The following LRGUK variants were observed in gnomAD, a reference collection of about 807,000 sequenced individuals.
LRGUK encodes the protein leucine rich repeats and guanylate kinase domain containing, also known as leucine-rich repeat and guanylate kinase domain-containing protein.
LRGUK carries 65 observed loss-of-function variants against 76.0 expected under a neutral mutation model. The observed-to-expected ratio is 0.85, with a 90% confidence interval of 0.70 to 1.05. The LOEUF (loss-of-function observed/expected upper bound fraction) is 1.05, where lower values mean the gene tolerates loss of function less well. Among genes scored for constraint, LRGUK ranks in the 50% least tolerant of loss-of-function variants. The probability of loss-of-function intolerance (pLI) is 0.00; values close to 1 mark genes in which losing one functional copy is unlikely to be tolerated. For synonymous variants in LRGUK, 268 were observed against 265.6 expected (o/e 1.01, Z -0.09); for missense variants, 758 against 732.8 (o/e 1.03, Z -0.40).
chr7:134,207,074 A>G (rs1480704598), intron 15 of LRGUK, among the ~76,000 whole-genome samples: 1 of 152,196 alleles, frequency 6.6e-6, no homozygotes, highest in African/African-American at 2.4e-5. Flanking sequence ...ACCAAGAGAG[A>G]TTAAGGAGCA....
intron 8 of LRGUK, among the ~76,000 whole-genome samples, chr7:134,175,940 T>C (rs28539301): frequency 8.5e-5 from 13 of 152,128 alleles, no homozygotes; most frequent in African/African-American, 3.1e-4. Flanking sequence ...ATATAAATAA[T>C]AACAAAATAA....
At chr7:134,132,432 C>T (rs996040008) in intron 1 of LRGUK, among the ~76,000 whole-genome samples, 4 of 152,122 alleles carry the variant, frequency 2.6e-5, no homozygotes, top group Middle Eastern at 6.8e-3. Context: ...AAAAAGTGCT[C>T]ATTCATTTTG....
downstream of LRGUK, among the ~76,000 whole-genome samples, chr7:134,267,035 A>G (rs925759792): frequency 6.6e-6 from 1 of 152,326 alleles, no homozygotes; most frequent in East Asian, 1.9e-4. Context: ...TTCAGTGGAA[A>G]TGTCCTTCAG....
At chr7:134,242,701 T>C (rs367637682) in intron 16 of LRGUK, among the ~76,000 whole-genome samples, 54 of 152,338 alleles carry the variant, frequency 3.5e-4, no homozygotes, top group East Asian at 2.5e-3. Context: ...TAATTCATTT[T>C]ATGAAGCCAA....
At chr7:134,188,654 A>G (rs1800074439) in intron 11 of LRGUK, among the ~76,000 whole-genome samples, 1 of 152,168 alleles carries the variant, frequency 6.6e-6, no homozygotes, top group Non-Finnish European at 1.5e-5. Flanking sequence ...CCAGCAAGCT[A>G]TTGACATATA....
Position 134,196,783 on chromosome 7 carries a change from A to AT in LRGUK, c.1432-199dup, listed in dbSNP as rs368507562. On this transcript the variant is annotated intron_variant, in intron 12 of 15. Coordinates refer to ENST00000645682, the Ensembl canonical transcript of LRGUK. ...GTCAGCAAATTATTTCTAAAAACCT[A>AT]TTTTTTTTTTGTCAGCTGAGAATTC... is the stretch of plus-strand genomic sequence containing the variant. Among the ~76,000 whole-genome samples the AT allele has an allele frequency of 3.4e-4, 51 of 148,578 alleles. 1 individual carries two copies. The highest frequency in any genetic ancestry group is 8.4e-4 in the African/African-American group (34 of 40,562).
chr7:134,135,801 G>T (rs183866331), intron 1 of LRGUK, among the ~76,000 whole-genome samples: 1 of 152,234 alleles, frequency 6.6e-6, no homozygotes, highest in African/African-American at 2.4e-5. Context: ...GACTCCAGGC[G>T]CCCGCCACCA....
intron 5 of LRGUK, among the ~76,000 whole-genome samples, chr7:134,152,242 C>T (rs527288032): frequency 6.6e-6 from 1 of 151,974 alleles, no homozygotes; most frequent in South Asian, 2.1e-4. Flanking sequence ...ATGCCAGAAA[C>T]AAGCAATTAG....
chr7:134,267,933 A>AT (rs879521777), downstream of LRGUK, among the ~76,000 whole-genome samples: 32 of 151,996 alleles, frequency 2.1e-4, no homozygotes, highest in Admixed American at 1.6e-3. Flanking sequence ...ATTAAAAAAA[A>AT]ATATGTTGAA....
exon 2 of LRGUK, chr7:134,137,098 A>C: frequency 1.9e-6 from 3 of 1,612,686 alleles, no homozygotes; most frequent in Non-Finnish European, 2.5e-6. Context: ...AGGCTCTGGG[A>C]CTGAGCAAGT....
chr7:134,144,836 G>A (rs545093502), intron 4 of LRGUK, among the ~76,000 whole-genome samples: 1 of 152,176 alleles, frequency 6.6e-6, no homozygotes, highest in Non-Finnish European at 1.5e-5. Context: ...GCCGCACTAG[G>A]TGCCTATCTG....
At chr7:134,202,220 C>T (rs1274430368) in intron 15 of LRGUK, among the ~76,000 whole-genome samples, 1 of 151,972 alleles carries the variant, frequency 6.6e-6, no homozygotes, top group East Asian at 1.9e-4. Context: ...CTCTAAAGCC[C>T]TAAGTTAGAA....
chr7:134,200,811 C>T lies in LRGUK; in HGVS notation c.1748-670C>T, dbSNP rs4732007. Among the ~76,000 whole-genome samples, 1,767 of 152,266 alleles carry T rather than the reference C, an allele frequency of 0.012. 83 individuals are homozygous for T. In the East Asian group the frequency reaches 0.15, roughly 13 times the overall value. On this transcript the variant is annotated intron_variant, in intron 14 of 15. Coordinates refer to ENST00000645682, the Ensembl canonical transcript of LRGUK. ...AAAGCAACACCCATTTATTAATTCA[C>T]AGTTTCGTAGATTAGAAGTCTGGTA...
chr7:134,263,997 C>G, exon 20 of LRGUK: 5 of 1,590,388 alleles, frequency 3.1e-6, no homozygotes, highest in Non-Finnish European at 4.3e-6. Flanking sequence ...ATGTCTGATC[C>G]TAACATGGAA....
intron 5 of LRGUK, among the ~76,000 whole-genome samples, chr7:134,153,941 A>G (rs943263435): frequency 2.3e-4 from 35 of 152,324 alleles, no homozygotes; most frequent in Middle Eastern, 3.4e-3. Flanking sequence ...AGACAAACGA[A>G]TAAGAGCAAA....
intron 4 of LRGUK, among the ~76,000 whole-genome samples, chr7:134,146,224 G>C (rs969969554): frequency 4.0e-5 from 6 of 151,864 alleles, no homozygotes; most frequent in African/African-American, 1.5e-4. Context: ...AGTGGGCCAA[G>C]ACTGAGCCAC....
At chr7:134,201,773 G>A (rs1441055577) in intron 15 of LRGUK, among the ~76,000 whole-genome samples, 197 bp downstream of exon 15, 1 of 152,058 alleles carries the variant, frequency 6.6e-6, no homozygotes, top group Non-Finnish European at 1.5e-5. Context: ...TTATCTCCAT[G>A]GTCATGATGG....
At chr7:134,134,823 G>A (rs17167456) in intron 1 of LRGUK, among the ~76,000 whole-genome samples, 20,602 of 152,178 alleles carry the variant, frequency 0.14, 1,722 homozygotes, top group East Asian at 0.33. Context: ...GAAACATTAC[G>A]ATGTGGAATT....
exon 17 of LRGUK, chr7:134,247,630 A>T (rs752170911): frequency 2.5e-6 from 4 of 1,612,468 alleles, no homozygotes; most frequent in Non-Finnish European, 3.4e-6. Context: ...CTGATCACAC[A>T]CTCCTATTTC....
Sources: gnomAD v4.1 joint callset for allele counts (sites outside exome capture counted in the v4.1 genomes callset) on GRCh38, gnomAD v4.1.1 for gene constraint, MANE v1.5 for transcripts, NCBI Gene and HGNC (gene_info 2026-07-23, HGNC 2026-07-21) for gene names.